ZYG11B: variants seen among roughly 807,000 people sequenced by gnomAD.
The protein encoded by ZYG11B is zyg-11 family member B, cell cycle regulator.
A neutral mutation model predicts 82.4 loss-of-function variants in ZYG11B; 36 were observed. The observed-to-expected ratio is 0.44, with a 90% confidence interval of 0.33 to 0.58. The LOEUF (loss-of-function observed/expected upper bound fraction) is 0.58, where lower values mean the gene tolerates loss of function less well. Among genes scored for constraint, ZYG11B ranks in the 20% least tolerant of loss-of-function variants. ZYG11B has a pLI of 0.02. For missense variants in ZYG11B, 552 were observed against 895.6 expected, an observed-to-expected ratio of 0.62 and a Z score of 4.90; for synonymous variants, 303 against 312.8, an observed-to-expected ratio of 0.97 and a Z score of 0.33.
At chr1:52,798,140 A>T (rs889150526) in intron 8 of ZYG11B, among the ~76,000 whole-genome samples, 1 of 150,608 alleles carries the variant, frequency 6.6e-6, no homozygotes, top group East Asian at 2.0e-4. Context: ...ACAACAAAAA[A>T]TTTTTTTTTG....
At chr1:52,813,997 T>C (rs1645203798) in intron 12 of ZYG11B, 85 bp downstream of exon 12, 2 of 1,294,860 alleles carry the variant, frequency 1.5e-6, no homozygotes, top group African/African-American at 3.0e-5. Flanking sequence ...TGCATAATTT[T>C]TCCCTCAGGC....
rs374053504 is a variant in ZYG11B, at chr1:52,730,370, A to G, written c.30+3687A>G. Among the ~76,000 whole-genome samples the G allele has an allele frequency of 3.3e-5, 5 of 152,214 alleles. No homozygotes were observed. In the East Asian group the frequency reaches 9.7e-4, roughly 29 times the overall value. On this transcript the variant is annotated intron_variant, in intron 1 of 13. Coordinates refer to ENST00000294353, the MANE Select transcript of ZYG11B (RefSeq NM_024646.3). Reference sequence around the variant, plus strand: ...GAGATAGGGTCTGGCTCTGCCGCCTAGACTGGAGTGCAGCGGCGTGATTAC... The same window carrying G: ...GAGATAGGGTCTGGCTCTGCCGCCTGGACTGGAGTGCAGCGGCGTGATTAC...
rs1644285192 is a variant in ZYG11B, at chr1:52,726,516, C to T, written c.-138C>T. 1.3e-5 allele frequency: 10 copies of T among 794,648 alleles called. 1 individual carries two copies. The highest frequency in any genetic ancestry group is 3.3e-5 in the South Asian group (1 of 30,300). The allele number at this position is 794,648 out of a possible 1,614,324, so 49.2% of individuals were successfully genotyped here. A position where few individuals can be genotyped will look rare whatever the true frequency, so the allele number is the denominator to read the frequency against. Reference sequence around the variant, plus strand: ...GGCTGCGGCTGCTACTGCTACGCTCCTAGCTTGAGGGAAAGAGGCCGAGGC... The same window carrying T: ...GGCTGCGGCTGCTACTGCTACGCTCTTAGCTTGAGGGAAAGAGGCCGAGGC... On this transcript the variant is annotated 5_prime_UTR_variant, in exon 1 of 14. Transcript: ENST00000294353.
chr1:52,748,240 T>A (rs750857429), intron 1 of ZYG11B, among the ~76,000 whole-genome samples: 21 of 152,162 alleles, frequency 1.4e-4, no homozygotes, highest in Non-Finnish European at 2.5e-4. Context: ...TGGAAAGAGA[T>A]CTGCACCAGG....
intron 2 of ZYG11B, among the ~76,000 whole-genome samples, chr1:52,765,538 C>A (rs1644675447): frequency 6.6e-6 from 1 of 152,062 alleles, no homozygotes. Context: ...CAGGGTCTTA[C>A]TCTGTCACCC....
At position 52,813,603 on chromosome 1, in the gene ZYG11B, G is replaced by C; in HGVS notation, c.1763G>C (p.Ser588Thr). ...LMWKDFIDHI[S>T]SLLHSVEVEV... ...TGGAAAGATTTTATAGACCACATCAGTAGTCTCCTACACAGTGTGGAAGTG... is the reference window on the plus strand; with the variant it reads ...TGGAAAGATTTTATAGACCACATCACTAGTCTCCTACACAGTGTGGAAGTG... Residue 588 changes from serine (S) to threonine (T), a missense_variant, in exon 11 of 14, where the codon AGT (serine) becomes ACT (threonine). By Grantham distance (58) the Ser-to-Thr change is moderately conservative. Around this residue, in one of 3 missense-constraint regions of ZYG11B, gnomAD observed 66 missense variants for 176.4 expected, o/e 0.37. Transcript: ENST00000294353. 1.2e-6 allele frequency: 2 copies of C among 1,613,688 alleles called. No homozygotes were observed. The highest frequency in any genetic ancestry group is 1.7e-6 in the Non-Finnish European group (2 of 1,179,840).
At chr1:52,768,266 A>G (rs974850156) in intron 2 of ZYG11B, among the ~76,000 whole-genome samples, 8 of 151,974 alleles carry the variant, frequency 5.3e-5, no homozygotes, top group Non-Finnish European at 8.8e-5. Context: ...GGCTCCTTCA[A>G]CTTTAGATCT....
chr1:52,747,280 T>TA (rs1311597134), intron 1 of ZYG11B, among the ~76,000 whole-genome samples: 1 of 148,596 alleles, frequency 6.7e-6, no homozygotes, highest in Non-Finnish European at 1.5e-5. Context: ...CATCAGTTCT[T>TA]TTCTGCAAAA....
intron 1 of ZYG11B, among the ~76,000 whole-genome samples, chr1:52,744,282 T>A (rs1035535893): frequency 6.6e-6 from 1 of 152,204 alleles, no homozygotes; most frequent in Non-Finnish European, 1.5e-5. Context: ...CTTAACATTT[T>A]GTTACAGTTG....
At chr1:52,730,014 C>T (rs1930306) in intron 1 of ZYG11B, among the ~76,000 whole-genome samples, 1 of 151,848 alleles carries the variant, frequency 6.6e-6, no homozygotes, top group Non-Finnish European at 1.5e-5. Flanking sequence ...CGCCATGTTG[C>T]CTAGGCTGGC....
intron 5 of ZYG11B, among the ~76,000 whole-genome samples, 158 bp downstream of exon 5, chr1:52,785,211 A>G (rs1363459630): frequency 6.6e-6 from 1 of 152,212 alleles, no homozygotes; most frequent in African/African-American, 2.4e-5. Context: ...CCAAAGGAGT[A>G]TATTCCGTGC....
intron 8 of ZYG11B, among the ~76,000 whole-genome samples, chr1:52,798,939 A>G (rs1645051330): frequency 6.6e-6 from 1 of 152,176 alleles, no homozygotes; most frequent in Admixed American, 6.5e-5. Flanking sequence ...CCCTTTTTCC[A>G]TGACATAAAT....
At chr1:52,808,487 T>C (rs913102441) in intron 10 of ZYG11B, among the ~76,000 whole-genome samples, 2 of 152,190 alleles carry the variant, frequency 1.3e-5, no homozygotes, top group African/African-American at 4.8e-5. Flanking sequence ...GATATATAGG[T>C]CTATAGTTTT....
intron 12 of ZYG11B, 46 bp from the exon 13 acceptor site, chr1:52,816,486 G>T (rs373468165): frequency 1.5e-6 from 2 of 1,346,462 alleles, no homozygotes; most frequent in Admixed American, 4.1e-5. Context: ...AGGAAATTAC[G>T]CTAAATATGG....
chr1:52,816,537 T>G lies in ZYG11B; in HGVS notation c.1952T>G (p.Phe651Cys). Residue 651 changes from phenylalanine to cysteine, a missense_variant, in exon 13 of 14, where the codon TTT becomes TGT. Phe to Cys is a radical substitution (Grantham distance 205). Around this residue, in one of 3 missense-constraint regions of ZYG11B, gnomAD observed 127 missense variants for 163.4 expected, o/e 0.78. Coordinates refer to ENST00000294353, the MANE Select transcript of ZYG11B (RefSeq NM_024646.3). ...PECEMVAYRSFNPFFPLLGCF... is the reference protein window; with the variant it reads ...PECEMVAYRSCNPFFPLLGCF... ...CTTTTCTTTTGAACCTTTAGGTCCT[T>G]TAATCCATTTTTCCCATTACTTGGC... 1 of 1,609,084 alleles carries G rather than the reference T, an allele frequency of 6.2e-7. No homozygotes were observed. Among genetic ancestry groups the G allele is most frequent in the Non-Finnish European group, 8.5e-7 (1 of 1,177,732 alleles).
At chr1:52,759,765 G>C (rs549476087) in intron 2 of ZYG11B, among the ~76,000 whole-genome samples, 4 of 151,934 alleles carry the variant, frequency 2.6e-5, no homozygotes, top group East Asian at 1.9e-4. Flanking sequence ...ATTTTTCTTC[G>C]TGTTTGAAAA....
At chr1:52,792,445 G>T (rs1025799619) in intron 6 of ZYG11B, among the ~76,000 whole-genome samples, 8 of 152,118 alleles carry the variant, frequency 5.3e-5, no homozygotes, top group African/African-American at 1.9e-4. Flanking sequence ...GTGCTAAAGT[G>T]TTTTATGTAA....
chr1:52,805,312 T>G (rs999443803), intron 10 of ZYG11B: 3 of 341,628 alleles, frequency 8.8e-6, no homozygotes, highest in African/African-American at 6.5e-5. Flanking sequence ...ATGCAAGCAG[T>G]GAGGAGATGG....
chr1:52,750,903 C>T (rs1644516914), intron 1 of ZYG11B, among the ~76,000 whole-genome samples: 1 of 152,166 alleles, frequency 6.6e-6, no homozygotes, highest in Admixed American at 6.6e-5. Context: ...TTCCACTTAG[C>T]ATGTTTTCAA....
Sources: allele counts gnomAD v4.1 joint callset (sites outside exome capture counted in the v4.1 genomes callset), GRCh38; gene constraint gnomAD v4.1.1; regional missense constraint gnomAD v4.1.1; transcripts MANE v1.5; gene names NCBI Gene and HGNC (gene_info 2026-07-23, HGNC 2026-07-21).